The following HPCAL1 variants were observed in gnomAD, a reference collection of about 807,000 sequenced individuals.
The protein encoded by HPCAL1 is hippocalcin-like protein 1.
HPCAL1 carries 8 observed loss-of-function variants against 17.1 expected under a neutral mutation model. That is an observed-to-expected ratio of 0.47 (90% CI 0.27 to 0.84). The LOEUF is 0.84. Among genes scored for constraint, HPCAL1 ranks in the 40% least tolerant of loss-of-function variants. The pLI, the probability that HPCAL1 is intolerant of heterozygous loss-of-function variation, is 0.13. For missense variants in HPCAL1, 165 were observed against 271.1 expected (o/e 0.61, Z 2.75); for synonymous variants, 112 against 111.4 (o/e 1.01, Z -0.03).
chr2:10,324,045 G>A (rs1195753426), intron 1 of HPCAL1, among the ~76,000 whole-genome samples: 2 of 152,242 alleles, frequency 1.3e-5, no homozygotes, highest in African/African-American at 4.8e-5. Context: ...TCCAGTTAAT[G>A]AAAATTTAAA....
At chr2:10,341,674 C>T (rs1665093459) in intron 1 of HPCAL1, among the ~76,000 whole-genome samples, 1 of 152,014 alleles carries the variant, frequency 6.6e-6, no homozygotes, top group Non-Finnish European at 1.5e-5. Flanking sequence ...GGGATTCCCT[C>T]CTGCCTAGGT....
chr2:10,307,788 C>G (rs1006058807), intron 1 of HPCAL1, among the ~76,000 whole-genome samples: 2 of 152,238 alleles, frequency 1.3e-5, no homozygotes, highest in Admixed American at 6.5e-5. Flanking sequence ...CTTATCTGCC[C>G]TTGGCCCAGA....
intron 1 of HPCAL1, among the ~76,000 whole-genome samples, chr2:10,313,172 T>A (rs1663096227): frequency 3.9e-5 from 6 of 152,230 alleles, no homozygotes; most frequent in Admixed American, 3.9e-4. Flanking sequence ...GAATCTCACG[T>A]ATTCTTTCAG....
At chr2:10,333,219 T>A (rs972332241) in intron 1 of HPCAL1, among the ~76,000 whole-genome samples, 10 of 152,206 alleles carry the variant, frequency 6.6e-5, no homozygotes, top group African/African-American at 2.4e-4. Flanking sequence ...ACTAATGCAT[T>A]TTCACAGGAG....
intron 1 of HPCAL1, among the ~76,000 whole-genome samples, chr2:10,375,653 AG>A (rs1667511447): frequency 6.6e-6 from 1 of 152,240 alleles, no homozygotes. Flanking sequence ...GACCTGGGAC[AG>A]GGTGCTTACC....
chr2:10,422,853 A>G (rs1671148214), intron 3 of HPCAL1, 130 bp from the exon 4 acceptor site: 2 of 627,820 alleles, frequency 3.2e-6, no homozygotes, highest in South Asian at 3.8e-5. Flanking sequence ...CCACTGGGGA[A>G]GGGTCCCGAA....
At position 10,363,921 on chromosome 2, in the gene HPCAL1, C is replaced by T. The variant is rs905804694; in HGVS notation, c.-110-32914C>T. On this transcript the variant is annotated intron_variant, in intron 1 of 4. Transcript: ENST00000307845. The surrounding 1 kb of genome is among the most constrained non-coding windows in gnomAD (Gnocchi z 4.7). ...CTGGTAAGCGTTTAGTGCCCTGAGCCGACTCAGCTGGTGCTCAGGGAGGCC... is the reference window on the plus strand; with the variant it reads ...CTGGTAAGCGTTTAGTGCCCTGAGCTGACTCAGCTGGTGCTCAGGGAGGCC... 6.6e-6 allele frequency among the ~76,000 whole-genome samples: 1 copy of T among 152,198 alleles called. No homozygotes were observed. The highest frequency in any genetic ancestry group is 2.4e-5 in the African/African-American group (1 of 41,452).
At chr2:10,371,525 G>A (rs1375941921) in intron 1 of HPCAL1, among the ~76,000 whole-genome samples, 3 of 152,148 alleles carry the variant, frequency 2.0e-5, no homozygotes, top group Non-Finnish European at 4.4e-5. Context: ...GTCCTGCAGA[G>A]TCCTGTGTCC....
intron 3 of HPCAL1, 123 bp downstream of exon 3, chr2:10,420,258 G>A (rs1670978857): frequency 1.2e-6 from 1 of 839,328 alleles, no homozygotes; most frequent in Non-Finnish European, 1.8e-6. Flanking sequence ...TCTAGTGACT[G>A]GAGTGCAGTG....
In HPCAL1 at chr2:10,365,211, C is replaced by T. The variant is rs972017238; in HGVS notation, c.-110-31624C>T. On this transcript the variant is annotated intron_variant, in intron 1 of 4. Coordinates refer to ENST00000307845, the MANE Select transcript of HPCAL1 (RefSeq NM_002149.4). This position sits in a 1 kb window ranked among gnomAD's most constrained non-coding sequence, Gnocchi z 4.8. ...TGGAGGCCGCCAGAGAGGTCTAGGC[C>T]TCCGACCCTGACCTTGCTCCTCTTG... Among the ~76,000 whole-genome samples the T allele has an allele frequency of 2.0e-5, 3 of 152,176 alleles. No homozygotes were observed. Among genetic ancestry groups the T allele is most frequent in the Non-Finnish European group, 4.4e-5 (3 of 68,016 alleles).
intron 4 of HPCAL1, chr2:10,424,828 T>G (rs1368572295): frequency 2.9e-6 from 1 of 348,068 alleles, no homozygotes; most frequent in African/African-American, 2.1e-5. Context: ...TCAGGAGTGA[T>G]GGTGCCCTGG....
intron 1 of HPCAL1, among the ~76,000 whole-genome samples, chr2:10,326,482 G>C (rs1664025986): frequency 6.6e-6 from 1 of 152,214 alleles, no homozygotes; most frequent in Non-Finnish European, 1.5e-5. Context: ...GTTGGCTGGA[G>C]ACTTGTGGGG....
chr2:10,409,777 CTTTTTTTTTTTTTTTT>C (rs34031495), intron 2 of HPCAL1, among the ~76,000 whole-genome samples: 7 of 62,506 alleles, frequency 1.1e-4, no homozygotes, highest in South Asian at 6.9e-4. Flanking sequence ...GAGCCTCAGT[CTTTTTTTTTTTTTTTT>C]TTTTTTTTTT....
intron 2 of HPCAL1, among the ~76,000 whole-genome samples, chr2:10,417,160 C>T (rs929415993): frequency 2.0e-4 from 31 of 151,890 alleles, no homozygotes; most frequent in Admixed American, 1.8e-3. Flanking sequence ...GTCAGGAGTT[C>T]GAGACCAGGT....
At chr2:10,413,230 G>T (rs1184162204) in intron 2 of HPCAL1, among the ~76,000 whole-genome samples, 4 of 152,190 alleles carry the variant, frequency 2.6e-5, no homozygotes, top group African/African-American at 9.7e-5. Context: ...GGTCCCTGGG[G>T]CTCCTGGGAC....
At chr2:10,350,522 G>T (rs1348960705) in intron 1 of HPCAL1, among the ~76,000 whole-genome samples, 2 of 151,856 alleles carry the variant, frequency 1.3e-5, no homozygotes, top group Non-Finnish European at 2.9e-5. Flanking sequence ...ATATTGCCTT[G>T]GCTGGTCTCG....
chr2:10,315,185 C>T (rs537162542), intron 1 of HPCAL1, among the ~76,000 whole-genome samples: 6 of 151,552 alleles, frequency 4.0e-5, no homozygotes, highest in South Asian at 2.1e-4. Flanking sequence ...CCCAGCTACA[C>T]GGGAGGCTGA....
At chr2:10,338,351 G>C (rs1664848315) in intron 1 of HPCAL1, among the ~76,000 whole-genome samples, 1 of 152,162 alleles carries the variant, frequency 6.6e-6, no homozygotes, top group Non-Finnish European at 1.5e-5. Flanking sequence ...TTATTGGGAG[G>C]CAACATAAGA....
At chr2:10,364,845 A>G (rs2125496547) in intron 1 of HPCAL1, among the ~76,000 whole-genome samples, 1 of 152,132 alleles carries the variant, frequency 6.6e-6, no homozygotes, top group East Asian at 1.9e-4. Flanking sequence ...TCGGCCTCCC[A>G]GAGTGCTGGG....
Sources: allele counts gnomAD v4.1 joint callset (sites outside exome capture counted in the v4.1 genomes callset), GRCh38; gene constraint gnomAD v4.1.1; non-coding constraint Gnocchi (gnomAD v3.1); transcripts MANE v1.5; gene names NCBI Gene and HGNC (gene_info 2026-07-23, HGNC 2026-07-21).